The following PRKCE variants were observed in gnomAD, a reference collection of about 807,000 sequenced individuals.
PRKCE encodes the protein protein kinase C epsilon.
Under a neutral mutation model 85.4 loss-of-function variants are expected in PRKCE, and 16 were observed. The observed-to-expected ratio is 0.19, with a 90% CI of 0.13 to 0.28. The LOEUF is 0.28. Ranked by LOEUF, PRKCE falls within the 10% of genes least tolerant of loss-of-function variation. The pLI, the probability that PRKCE is intolerant of heterozygous loss-of-function variation, is 1.00. For missense variants in PRKCE, 573 were observed against 975.2 expected (o/e 0.59, Z 5.49); for synonymous variants, 388 against 371.5 (o/e 1.04, Z -0.51).
chr2:46,046,472 A>G (rs1262506654), intron 10 of PRKCE, among the ~76,000 whole-genome samples: 1 of 152,236 alleles, frequency 6.6e-6, no homozygotes, highest in East Asian at 1.9e-4. Context: ...GGCCCAGGTG[A>G]TTTTAATAAA....
chr2:45,677,598 C>T (rs530195108), intron 1 of PRKCE, among the ~76,000 whole-genome samples: 4 of 152,238 alleles, frequency 2.6e-5, no homozygotes, highest in African/African-American at 9.6e-5. Context: ...CCTCATGATC[C>T]ACCCGCCTCG....
intron 2 of PRKCE, among the ~76,000 whole-genome samples, chr2:45,900,664 A>G (rs1483943911): frequency 6.6e-6 from 1 of 152,256 alleles, no homozygotes; most frequent in Non-Finnish European, 1.5e-5. Context: ...CAGTTTGGGA[A>G]GATGAAAATG....
intron 1 of PRKCE, among the ~76,000 whole-genome samples, chr2:45,835,170 T>A (rs1330025993): frequency 1.3e-5 from 2 of 152,210 alleles, no homozygotes; most frequent in Non-Finnish European, 2.9e-5. Flanking sequence ...GAATATGAAA[T>A]TTTAAATGCT....
chr2:45,681,164 C>G (rs1454792002), intron 1 of PRKCE, among the ~76,000 whole-genome samples: 1 of 151,668 alleles, frequency 6.6e-6, no homozygotes, highest in East Asian at 1.9e-4. Context: ...TAGCATGCAC[C>G]TGTAATCCCA....
At chr2:45,920,310 C>T (rs932781303) in intron 2 of PRKCE, among the ~76,000 whole-genome samples, 10 of 152,180 alleles carry the variant, frequency 6.6e-5, no homozygotes, top group African/African-American at 1.4e-4. Context: ...CTCAGTAACC[C>T]AATACAGGAC....
chr2:45,784,141 A>G (rs1686411002), intron 1 of PRKCE, among the ~76,000 whole-genome samples: 1 of 152,268 alleles, frequency 6.6e-6, no homozygotes, highest in Non-Finnish European at 1.5e-5. Flanking sequence ...GAAAAGTAGC[A>G]ATGCAAAGCA....
At chr2:45,800,046 T>C (rs1375281091) in intron 1 of PRKCE, among the ~76,000 whole-genome samples, 2 of 152,178 alleles carry the variant, frequency 1.3e-5, no homozygotes, top group Non-Finnish European at 2.9e-5. Flanking sequence ...TCCAGGCTGG[T>C]CAAGTGGGGA....
At chr2:45,776,961 C>T (rs556952723) in intron 1 of PRKCE, among the ~76,000 whole-genome samples, 4 of 152,074 alleles carry the variant, frequency 2.6e-5, no homozygotes, top group African/African-American at 9.7e-5. Context: ...TAACTAAAAA[C>T]CCCTTAGAAG....
chr2:46,076,087 T>A (rs1167021609), intron 10 of PRKCE, among the ~76,000 whole-genome samples: 1 of 151,980 alleles, frequency 6.6e-6, no homozygotes, highest in Non-Finnish European at 1.5e-5. Flanking sequence ...AAAGAAAGAG[T>A]CTCTGCAAAA....
intron 5 of PRKCE, 140 bp from the exon 6 acceptor site, chr2:45,984,411 C>T: frequency 8.4e-7 from 1 of 1,196,412 alleles, no homozygotes; most frequent in Non-Finnish European, 1.2e-6. Context: ...CACCTCAGGG[C>T]AGCTTTTAGA....
intron 1 of PRKCE, among the ~76,000 whole-genome samples, chr2:45,791,336 T>G (rs1203706050): frequency 6.6e-6 from 1 of 152,168 alleles, no homozygotes; most frequent in Non-Finnish European, 1.5e-5. Context: ...CTCTCTGGCT[T>G]TCAGTGGGGA....
rs758945762 is a variant in PRKCE at position 45,652,427 on chromosome 2, G to C, written c.327G>C (p.Gly109=). Residue 109 remains glycine (G), a synonymous_variant, in exon 1 of 15, where the codon GGG becomes GGC. Coordinates refer to ENST00000306156, the MANE Select transcript of PRKCE (RefSeq NM_005400.3). The surrounding 1 kb of genome is among the most constrained non-coding windows in gnomAD (Gnocchi z 7.7). ...TIQFEELLQN[G]SRHFEDWIDL... ...AGTTTGAGGAGCTGCTGCAGAACGGGAGCCGCCACTTCGAGGACTGGGTGA... is the reference window on the plus strand; with the variant it reads ...AGTTTGAGGAGCTGCTGCAGAACGGCAGCCGCCACTTCGAGGACTGGGTGA... The C allele has an allele frequency of 1.2e-6, 2 of 1,606,072 alleles. No individual in the cohort carries two copies. Among genetic ancestry groups the C allele is most frequent in the Non-Finnish European group, 8.5e-7 (1 of 1,178,454 alleles).
intron 14 of PRKCE, among the ~76,000 whole-genome samples, chr2:46,165,794 C>T (rs1444346207): frequency 1.3e-5 from 2 of 152,220 alleles, no homozygotes; most frequent in African/African-American, 4.8e-5. Flanking sequence ...GCTCCCAGGG[C>T]TTCAGCACTG....
chr2:45,709,360 C>A (rs1679407811), intron 1 of PRKCE, among the ~76,000 whole-genome samples: 1 of 152,216 alleles, frequency 6.6e-6, no homozygotes, highest in South Asian at 2.1e-4. Context: ...TGGAAGATGC[C>A]CCAGTTCTGG....
chr2:45,931,713 A>ATT (rs550243018), intron 2 of PRKCE, among the ~76,000 whole-genome samples: 7 of 149,860 alleles, frequency 4.7e-5, no homozygotes, highest in African/African-American at 1.7e-4. Flanking sequence ...AGGTGACTGA[A>ATT]TTTTTTTTTT....
At chr2:45,804,772 C>T (rs758435971) in intron 1 of PRKCE, among the ~76,000 whole-genome samples, 5 of 152,124 alleles carry the variant, frequency 3.3e-5, no homozygotes, top group Non-Finnish European at 1.5e-5. Context: ...TACTGGCAGT[C>T]GGCTTGGCAG....
chr2:45,876,718 T>C (rs140185037), intron 2 of PRKCE, among the ~76,000 whole-genome samples: 2 of 152,370 alleles, frequency 1.3e-5, no homozygotes, highest in Admixed American at 6.5e-5. Context: ...CTTGGCCAGA[T>C]TGACAGCTTC....
chr2:45,718,918 A>C (rs186476495), intron 1 of PRKCE, among the ~76,000 whole-genome samples: 49 of 152,362 alleles, frequency 3.2e-4, no homozygotes, highest in Middle Eastern at 6.8e-3. Context: ...GAAATATTTA[A>C]TTAAAAACAA....
chr2:45,719,105 G>C (rs1427968379), intron 1 of PRKCE, among the ~76,000 whole-genome samples: 1 of 152,232 alleles, frequency 6.6e-6, no homozygotes, highest in East Asian at 1.9e-4. Context: ...AGCAGGTTGA[G>C]AAGGCTCGAG....
Sources: allele counts gnomAD v4.1 joint callset (sites outside exome capture counted in the v4.1 genomes callset), GRCh38; gene constraint gnomAD v4.1.1; non-coding constraint Gnocchi (gnomAD v3.1); transcripts MANE v1.5; gene names NCBI Gene and HGNC (gene_info 2026-07-23, HGNC 2026-07-21).